Variants in DZIP1L observed in about 807,000 individuals in gnomAD.
DZIP1L encodes cilium assembly protein DZIP1L.
Under a neutral mutation model 88.7 loss-of-function variants are expected in DZIP1L, and 90 were observed. That is an observed-to-expected ratio of 1.02 (90% CI 0.86 to 1.21). DZIP1L has a LOEUF of 1.21. Among genes scored for constraint, DZIP1L ranks in the 50% most tolerant of loss-of-function variants. The pLI is 0.00. For synonymous variants in DZIP1L, 363 were observed against 372.1 expected (o/e 0.98, Z 0.28); for missense variants, 932 against 955.8 (o/e 0.98, Z 0.33).
intron 1 of DZIP1L, among the ~76,000 whole-genome samples, chr3:138,114,560 G>T (rs1476804455): frequency 1.3e-5 from 2 of 152,114 alleles, no homozygotes; most frequent in East Asian, 3.9e-4. Flanking sequence ...AGAAGGGAGA[G>T]ATCACCCACC....
Position 138,086,992 on chromosome 3 carries a change from A to G in DZIP1L, c.1031T>C (p.Leu344Pro), listed in dbSNP as rs1184320485. The part of the protein sequence containing the change: ...KTEWKRKVKE[L>P]HEEHMAEKKE... ...CTTCTCAGCCATGTGCTCTTCATGC[A>G]GTTCCTTCACTTTTCTTTTCCACTC... Residue 344 changes from leucine to proline, a missense_variant, in exon 7 of 16, where the codon CTG becomes CCG. Coordinates refer to ENST00000327532, the MANE Select transcript of DZIP1L (RefSeq NM_173543.3). 1.2e-6 allele frequency: 2 copies of G among 1,614,196 alleles called. No individual in the cohort carries two copies. Among genetic ancestry groups the G allele is most frequent in the Admixed American group, 3.3e-5 (2 of 60,022 alleles).
At chr3:138,088,942 GGCTTTGCACA>G in intron 5 of DZIP1L, 1 of 986,078 alleles carries the variant, frequency 1.0e-6, no homozygotes. Context: ...CTCCAGAAAG[GGCTTTGCACA>G]GCTTGAAGTA....
At chr3:138,070,594 C>T (rs1256317000) in intron 12 of DZIP1L, among the ~76,000 whole-genome samples, 1 of 152,150 alleles carries the variant, frequency 6.6e-6, no homozygotes, top group Non-Finnish European at 1.5e-5. Context: ...GTCTTATTTT[C>T]TTCTAATTCA....
intron 1 of DZIP1L, among the ~76,000 whole-genome samples, chr3:138,109,581 C>A (rs999892997): frequency 6.6e-6 from 1 of 152,194 alleles, no homozygotes; most frequent in Admixed American, 6.5e-5. Context: ...ACCAGAAATA[C>A]AAATTGACCC....
At chr3:138,090,874 G>A (rs1944185171) in intron 5 of DZIP1L, among the ~76,000 whole-genome samples, 1 of 151,762 alleles carries the variant, frequency 6.6e-6, no homozygotes, top group African/African-American at 2.4e-5. Context: ...GGAAGATATG[G>A]TCAAGGGATA....
intron 5 of DZIP1L, among the ~76,000 whole-genome samples, chr3:138,091,401 T>C (rs934449111): frequency 1.3e-5 from 2 of 150,994 alleles, no homozygotes; most frequent in Admixed American, 6.6e-5. Flanking sequence ...GTGGATCACT[T>C]GAGGTCAGAA....
At position 138,088,505 on chromosome 3, in the gene DZIP1L, T is replaced by A; in HGVS notation, c.873A>T (p.Lys291Asn). The A allele has an allele frequency of 6.2e-7, 1 of 1,613,052 alleles. No homozygotes were observed. Among genetic ancestry groups the A allele is most frequent in the Non-Finnish European group, 8.5e-7 (1 of 1,179,532 alleles). The change falls in exon 6 of 16, where the codon AAA becomes AAT. Residue 291 changes from lysine to asparagine, a missense_variant and splice_region_variant. Coordinates refer to ENST00000327532, the MANE Select transcript of DZIP1L (RefSeq NM_173543.3). The stretch of plus-strand genomic sequence containing the variant: ...CACTGTGGGACTGCAGTGCCCGCAG[T>A]TTCTGAAAAGGCCAGGGCATAGTTT... ...VAKQNSTLEE[K>N]LRALQSHSVM...
chr3:138,115,060 A>G (rs541972984), intron 1 of DZIP1L, among the ~76,000 whole-genome samples: 83 of 152,124 alleles, frequency 5.5e-4, no homozygotes, highest in African/African-American at 1.9e-3. Flanking sequence ...TCCCCCGCGC[A>G]CGGGTCCTTC....
In DZIP1L at chr3:138,103,945, C is replaced by T; in HGVS notation, c.27G>A (p.Glu9=). 6.2e-7 allele frequency: 1 copy of T among 1,612,840 alleles called. No homozygotes were observed. The change falls in exon 2 of 16, where the codon GAG becomes GAA. Residue 9 remains glutamate, a synonymous_variant. Transcript: ENST00000327532. ...CCCCAAAGAGGGGGCCACTGAGGCC[C>T]TCAGCAGTGGCAGCTGGGGACTGCA... MQSPAATA[E]GLSGPLFGAY...
chr3:138,086,518 T>G (rs1943947095), intron 7 of DZIP1L, among the ~76,000 whole-genome samples: 1 of 152,176 alleles, frequency 6.6e-6, no homozygotes, highest in African/African-American at 2.4e-5. Context: ...TGTTCACTGT[T>G]CTCAGTATCT....
intron 10 of DZIP1L, among the ~76,000 whole-genome samples, chr3:138,080,138 C>T (rs1943579722): frequency 6.6e-6 from 1 of 152,116 alleles, no homozygotes; most frequent in Non-Finnish European, 1.5e-5. Flanking sequence ...ATTAGTCAGG[C>T]CCTGTGGGAC....
At chr3:138,084,411 G>C (rs1943827589) in intron 7 of DZIP1L, among the ~76,000 whole-genome samples, 158 bp from the exon 8 acceptor site, 1 of 152,170 alleles carries the variant, frequency 6.6e-6, no homozygotes, top group African/African-American at 2.4e-5. Context: ...TCCAGTCTGG[G>C]GACATTTTTG....
chr3:138,106,813 C>T (rs941918417), intron 1 of DZIP1L, among the ~76,000 whole-genome samples: 2 of 150,860 alleles, frequency 1.3e-5, no homozygotes, highest in Admixed American at 6.6e-5. Context: ...GCCTGGGTGA[C>T]AGAGCGAGAC....
At position 138,111,806 on chromosome 3, in the gene DZIP1L, C is replaced by G. The variant is rs555204240; in HGVS notation, c.-82+3522G>C. On this transcript the variant is annotated intron_variant, in intron 1 of 15. Transcript: ENST00000327532. ...GGTCAGGAGTTCAAGACCAGCCTGG[C>G]CAACATGGTGAAACCCCGTCTCTAC... 2.0e-5 allele frequency among the ~76,000 whole-genome samples: 3 copies of G among 152,076 alleles called. 1 individual carries two copies. In the South Asian group the frequency reaches 6.3e-4, roughly 32 times the overall value.
At chr3:138,092,786 A>G (rs1412787452) in intron 4 of DZIP1L, among the ~76,000 whole-genome samples, 1 of 152,220 alleles carries the variant, frequency 6.6e-6, no homozygotes, top group African/African-American at 2.4e-5. Context: ...GCTCATCCAT[A>G]AGAAGCAACT....
intron 3 of DZIP1L, 106 bp downstream of exon 3, chr3:138,097,657 G>A: frequency 9.7e-7 from 1 of 1,028,116 alleles, no homozygotes; most frequent in Non-Finnish European, 1.4e-6. Context: ...GGACAGTGAG[G>A]TTCTGAGAGC....
At chr3:138,111,217 C>T (rs1428097175) in intron 1 of DZIP1L, among the ~76,000 whole-genome samples, 3 of 152,228 alleles carry the variant, frequency 2.0e-5, no homozygotes, top group African/African-American at 7.2e-5. Flanking sequence ...CTTAAAAATT[C>T]TGTTATTCTT....
intron 2 of DZIP1L, among the ~76,000 whole-genome samples, chr3:138,098,380 T>C (rs1308363643): frequency 6.6e-6 from 1 of 152,222 alleles, no homozygotes; most frequent in Admixed American, 6.5e-5. Flanking sequence ...AATATGCCAA[T>C]GTCTAGGTCC....
chr3:138,082,331 C>T (rs1216753013), intron 8 of DZIP1L, among the ~76,000 whole-genome samples: 3 of 152,220 alleles, frequency 2.0e-5, no homozygotes, highest in Non-Finnish European at 2.9e-5. Flanking sequence ...GGACCCAACA[C>T]CCAAGTTAAG....
Sources: gnomAD v4.1 joint callset for allele counts (sites outside exome capture counted in the v4.1 genomes callset) on GRCh38, gnomAD v4.1.1 for gene constraint, MANE v1.5 for transcripts, NCBI Gene and HGNC (gene_info 2026-07-23, HGNC 2026-07-21) for gene names.